BCKDHB: variants seen among roughly 807,000 people sequenced by gnomAD.
BCKDHB encodes the protein branched chain keto acid dehydrogenase E1 subunit beta, also known as 2-oxoisovalerate dehydrogenase subunit beta, mitochondrial.
In BCKDHB, 41 loss-of-function variants were observed where a neutral mutation model predicts 48.5. The observed-to-expected ratio is 0.85, with a 90% CI of 0.66 to 1.10. The LOEUF is 1.10. Ranked by LOEUF, BCKDHB falls within the 50% of genes least tolerant of loss-of-function variation. The probability of loss-of-function intolerance (pLI) is 0.00; values close to 1 mark genes in which losing one functional copy is unlikely to be tolerated. For synonymous variants in BCKDHB, 201 were observed against 174.8 expected, an observed-to-expected ratio of 1.15 and a Z score of -1.18; for missense variants, 496 against 494.2, an observed-to-expected ratio of 1.00 and a Z score of -0.03.
At chr6:80,216,819 T>C (rs886139371) in intron 8 of BCKDHB, among the ~76,000 whole-genome samples, 1 of 152,226 alleles carries the variant, frequency 6.6e-6, no homozygotes, top group Admixed American at 6.5e-5. Flanking sequence ...TATTCTGTAA[T>C]CGTTAAGAAT....
chr6:80,120,311 A>ATGTGTGT (rs764295236), intron 1 of BCKDHB, among the ~76,000 whole-genome samples: 6,090 of 143,356 alleles, frequency 0.042, 197 homozygotes, highest in Non-Finnish European at 0.05. Flanking sequence ...GAATAGTGCC[A>ATGTGTGT]CAATAAACAT....
At chr6:80,410,911 G>T in the BCKDHB span, among the ~76,000 whole-genome samples, 1 of 152,126 alleles carries the variant, frequency 6.6e-6, no homozygotes, top group East Asian at 1.9e-4. Context: ...GCTTGGAGAA[G>T]TTTGTTATTA....
At chr6:80,106,947 G>C in intron 1 of BCKDHB, 58 bp downstream of exon 1, 1 of 1,555,984 alleles carries the variant, frequency 6.4e-7, no homozygotes, top group Non-Finnish European at 8.7e-7. Context: ...AGGCTCGCAG[G>C]CGCCCGCGAG....
chr6:80,304,412 A>G (rs989931922), intron 9 of BCKDHB, among the ~76,000 whole-genome samples: 1 of 152,196 alleles, frequency 6.6e-6, no homozygotes, highest in Non-Finnish European at 1.5e-5. Flanking sequence ...AAACTGTTAA[A>G]GGTGACTCAA....
chr6:80,409,128 T>G, the BCKDHB span, among the ~76,000 whole-genome samples: 1 of 152,110 alleles, frequency 6.6e-6, no homozygotes, highest in Admixed American at 6.6e-5. Context: ...ATTTCATTAT[T>G]TACCCATTAG....
chr6:80,148,481 T>G (rs942019665), intron 3 of BCKDHB, among the ~76,000 whole-genome samples: 2 of 152,144 alleles, frequency 1.3e-5, no homozygotes, highest in Non-Finnish European at 2.9e-5. Context: ...CTGGTTTTAC[T>G]TTGGGGTTTC....
intron 6 of BCKDHB, among the ~76,000 whole-genome samples, chr6:80,199,013 G>A (rs1582336873): frequency 6.6e-6 from 1 of 152,150 alleles, no homozygotes; most frequent in Admixed American, 6.6e-5. Context: ...TGCCTCCACT[G>A]TTAGCAGTAT....
chr6:80,236,006 C>G (rs1172010748), intron 8 of BCKDHB, among the ~76,000 whole-genome samples: 1 of 152,100 alleles, frequency 6.6e-6, no homozygotes, highest in Admixed American at 6.5e-5. Flanking sequence ...AACCTGTGCT[C>G]CATGTGGAAA....
chr6:80,292,041 C>T (rs6927954), intron 9 of BCKDHB, among the ~76,000 whole-genome samples: 121,446 of 152,114 alleles, frequency 0.8, 48,653 homozygotes, highest in Admixed American at 0.87. Context: ...GGTAAATTCC[C>T]CTCCTTTTAT....
At chr6:80,448,594 C>T in the BCKDHB span, among the ~76,000 whole-genome samples, 414 of 152,188 alleles carry the variant, frequency 2.7e-3, 2 homozygotes, top group African/African-American at 9.6e-3. Context: ...AAGGATAATT[C>T]ACAGATAATT....
the BCKDHB span, among the ~76,000 whole-genome samples, chr6:80,386,645 G>A: frequency 1.4e-4 from 21 of 152,186 alleles, no homozygotes. Context: ...AGGCAATGTG[G>A]GCATAGCTAC....
intron 6 of BCKDHB, among the ~76,000 whole-genome samples, chr6:80,198,386 T>G (rs777117550): frequency 9.2e-5 from 14 of 152,238 alleles, no homozygotes; most frequent in Non-Finnish European, 2.1e-4. Context: ...CCAGGTTTGT[T>G]AGCTTAATTA....
chr6:80,113,478 G>T (rs974457960), intron 1 of BCKDHB, among the ~76,000 whole-genome samples: 5 of 152,228 alleles, frequency 3.3e-5, no homozygotes, highest in African/African-American at 1.2e-4. Flanking sequence ...GTGTGGCCCC[G>T]GCCAGAAACC....
At chr6:80,439,553 G>T in the BCKDHB span, among the ~76,000 whole-genome samples, 1 of 152,096 alleles carries the variant, frequency 6.6e-6, no homozygotes, top group Admixed American at 6.5e-5. Context: ...TTAAAACGAA[G>T]TTCCCAAGAT....
At chr6:80,149,383 G>A (rs1228028240) in intron 3 of BCKDHB, among the ~76,000 whole-genome samples, 1 of 152,120 alleles carries the variant, frequency 6.6e-6, no homozygotes, top group Non-Finnish European at 1.5e-5. Context: ...ACCGTAAACT[G>A]GTTCAACCAT....
chr6:80,440,440 C>T, the BCKDHB span, among the ~76,000 whole-genome samples: 1 of 152,160 alleles, frequency 6.6e-6, no homozygotes, highest in African/African-American at 2.4e-5. Context: ...TACCATATGC[C>T]TTTTGCAAGA....
the BCKDHB span, among the ~76,000 whole-genome samples, chr6:80,361,810 T>C: frequency 6.6e-6 from 1 of 152,168 alleles, no homozygotes; most frequent in African/African-American, 2.4e-5. Flanking sequence ...TTGTGATCTC[T>C]AAGTGCTGTT....
At chr6:80,140,458 AT>A (rs202190610) in intron 3 of BCKDHB, among the ~76,000 whole-genome samples, 12,667 of 152,168 alleles carry the variant, frequency 0.083, 618 homozygotes, top group African/African-American at 0.11. Context: ...GATAGCTCTT[AT>A]TATTTTGAGA....
chr6:80,383,615 A>G, the BCKDHB span, among the ~76,000 whole-genome samples: 1 of 152,094 alleles, frequency 6.6e-6, no homozygotes, highest in Non-Finnish European at 1.5e-5. Flanking sequence ...AGTGTGAGAT[A>G]AAAATCCAAG....
Sources: gnomAD v4.1 joint callset for allele counts (sites outside exome capture counted in the v4.1 genomes callset) on GRCh38, gnomAD v4.1.1 for gene constraint, MANE v1.5 for transcripts, NCBI Gene and HGNC (gene_info 2026-07-23, HGNC 2026-07-21) for gene names.